MLLT3: variants seen among roughly 807,000 people sequenced by gnomAD.
The protein encoded by MLLT3 is protein AF-9.
Under a neutral mutation model 53.2 loss-of-function variants are expected in MLLT3, and 4 were observed. The observed-to-expected ratio is 0.08, with a 90% CI of 0.04 to 0.17. The LOEUF (loss-of-function observed/expected upper bound fraction) is 0.17. Ranked by LOEUF, MLLT3 falls within the 10% of genes least tolerant of loss-of-function variation. The pLI, the probability that MLLT3 is intolerant of heterozygous loss-of-function variation, is 1.00. For missense variants in MLLT3, 569 were observed against 684.0 expected, an observed-to-expected ratio of 0.83 and a Z score of 1.87; for synonymous variants, 283 against 230.6, an observed-to-expected ratio of 1.23 and a Z score of -2.06.
intron 2 of MLLT3, among the ~76,000 whole-genome samples, chr9:20,504,022 G>T (rs2118947525): frequency 6.6e-6 from 1 of 152,250 alleles, no homozygotes; most frequent in Admixed American, 6.5e-5. Flanking sequence ...ACACGTGCTA[G>T]AATGGCTATT....
chr9:20,387,343 A>G (rs1822064091), intron 5 of MLLT3, among the ~76,000 whole-genome samples: 1 of 152,230 alleles, frequency 6.6e-6, no homozygotes, highest in African/African-American at 2.4e-5. Flanking sequence ...GGTACTTAGT[A>G]CAGCAATATC....
chr9:20,485,582 A>T (rs567162424), intron 2 of MLLT3, among the ~76,000 whole-genome samples: 9 of 152,342 alleles, frequency 5.9e-5, no homozygotes, highest in African/African-American at 2.2e-4. Context: ...AAGCCATGAA[A>T]TGTCACCACC....
At chr9:20,532,500 C>A in intron 2 of MLLT3, 1 of 192,172 alleles carries the variant, frequency 5.2e-6, no homozygotes, top group South Asian at 1.6e-4. Context: ...TGTCCTAGGT[C>A]ATTAGAACAT....
chr9:20,533,242 T>C (rs1186164205), intron 2 of MLLT3: 3 of 321,588 alleles, frequency 9.3e-6, no homozygotes, highest in Non-Finnish European at 1.8e-5. Context: ...TAATGACAGA[T>C]ATGATGAGAT....
chr9:20,421,481 C>A (rs556029685), intron 4 of MLLT3, among the ~76,000 whole-genome samples: 13 of 152,080 alleles, frequency 8.5e-5, no homozygotes, highest in African/African-American at 2.9e-4. Context: ...CTTTGAGAAA[C>A]TGGGAAAAGA....
intron 2 of MLLT3, among the ~76,000 whole-genome samples, chr9:20,556,710 T>TG (rs1020735136): frequency 9.9e-5 from 15 of 151,448 alleles, no homozygotes; most frequent in African/African-American, 3.4e-4. Context: ...AAATAAAAGT[T>TG]GGGGGAGAAA....
intron 5 of MLLT3, among the ~76,000 whole-genome samples, chr9:20,384,864 C>T (rs977370545): frequency 2.0e-5 from 3 of 152,080 alleles, no homozygotes; most frequent in African/African-American, 7.2e-5. Flanking sequence ...ATTTGACTCA[C>T]TAAGTGTACA....
intron 2 of MLLT3, among the ~76,000 whole-genome samples, chr9:20,486,671 C>T (rs1205691634): frequency 3.9e-5 from 6 of 152,252 alleles, no homozygotes; most frequent in South Asian, 4.1e-4. Context: ...TTGGAAGACA[C>T]GTGGCAACAA....
intron 2 of MLLT3, among the ~76,000 whole-genome samples, chr9:20,588,256 A>T (rs1820032579): frequency 6.6e-6 from 1 of 150,436 alleles, no homozygotes; most frequent in South Asian, 2.1e-4. Context: ...CTTGTAGTAT[A>T]GTTTGAAGTC....
intron 5 of MLLT3, among the ~76,000 whole-genome samples, chr9:20,378,126 A>C (rs554070052): frequency 1.3e-4 from 19 of 143,196 alleles, no homozygotes; most frequent in African/African-American, 5.1e-4. Flanking sequence ...TTTACTTTTA[A>C]ATTTTCAATT....
chr9:20,477,712 A>G (rs1824561037), intron 2 of MLLT3, among the ~76,000 whole-genome samples: 1 of 152,176 alleles, frequency 6.6e-6, no homozygotes, highest in South Asian at 2.1e-4. Flanking sequence ...CTGGCTCTAC[A>G]GTTCTCCTAT....
At chr9:20,506,965 C>T (rs1313979108) in intron 2 of MLLT3, among the ~76,000 whole-genome samples, 1 of 152,178 alleles carries the variant, frequency 6.6e-6, no homozygotes, top group African/African-American at 2.4e-5. Flanking sequence ...AAAAACGAAT[C>T]TTTCTCAAAC....
chr9:20,459,689 T>G (rs1824061230), intron 2 of MLLT3, among the ~76,000 whole-genome samples: 1 of 152,222 alleles, frequency 6.6e-6, no homozygotes, highest in South Asian at 2.1e-4. Flanking sequence ...CAGCTGTTAA[T>G]GAGCACATCT....
chr9:20,508,696 A>C (rs1825445548), intron 2 of MLLT3, among the ~76,000 whole-genome samples: 1 of 152,044 alleles, frequency 6.6e-6, no homozygotes, highest in African/African-American at 2.4e-5. Flanking sequence ...TAAATTCATA[A>C]AAAAAAGTTT....
intron 7 of MLLT3, among the ~76,000 whole-genome samples, chr9:20,362,163 A>G (rs762425508): frequency 1.8e-4 from 27 of 152,214 alleles, no homozygotes; most frequent in Non-Finnish European, 3.2e-4. Context: ...CAGCACGGTC[A>G]GGCAGGGAAC....
chr9:20,536,610 G>C lies in MLLT3; in HGVS notation c.194-79824C>G, dbSNP rs1818492216. Reference sequence around the variant, plus strand: ...CTTAGAAGAAAAAGTGAACCAAAGGGAAAATAGTAACATAGGTAAGGCATA... The same window carrying C: ...CTTAGAAGAAAAAGTGAACCAAAGGCAAAATAGTAACATAGGTAAGGCATA... On this transcript the variant is annotated intron_variant, in intron 2 of 10. Transcript: ENST00000380338. Among the ~76,000 whole-genome samples, 4 of 152,102 alleles carry C rather than the reference G, an allele frequency of 2.6e-5. No homozygotes were observed. In the South Asian group the frequency reaches 8.3e-4, roughly 32 times the overall value.
chr9:20,556,785 T>G (rs1424942967), intron 2 of MLLT3, among the ~76,000 whole-genome samples: 3 of 152,192 alleles, frequency 2.0e-5, no homozygotes, highest in Admixed American at 1.3e-4. Flanking sequence ...GCTTGTTCAC[T>G]GATTTTTTTA....
intron 2 of MLLT3, among the ~76,000 whole-genome samples, chr9:20,481,632 C>T (rs1824664720): frequency 6.6e-6 from 1 of 152,140 alleles, no homozygotes; most frequent in Non-Finnish European, 1.5e-5. Context: ...CTTCCACCCC[C>T]ATAGTACCCT....
Position 20,411,457 on chromosome 9 carries a change from A to T in MLLT3, c.1125+2264T>A, listed in dbSNP as rs1438701928. Among the ~76,000 whole-genome samples, 3 of 152,308 alleles carry T rather than the reference A, an allele frequency of 2.0e-5. No homozygotes were observed. In the East Asian group the frequency reaches 5.8e-4, roughly 29 times the overall value. ...TATTGAACCAATAGCAACAACAATA[A>T]AGCCATTACTAGTACCAGAAGACTA... On this transcript the variant is annotated intron_variant, in intron 5 of 10. Transcript: ENST00000380338.
Sources: allele counts gnomAD v4.1 joint callset (sites outside exome capture counted in the v4.1 genomes callset), GRCh38; gene constraint gnomAD v4.1.1; transcripts MANE v1.5; gene names NCBI Gene and HGNC (gene_info 2026-07-23, HGNC 2026-07-21).